VWA8: variants seen among roughly 807,000 people sequenced by gnomAD.
VWA8 encodes the protein von Willebrand factor A domain containing 8.
VWA8 carries 221 observed loss-of-function variants against 241.5 expected under a neutral mutation model. The observed-to-expected ratio is 0.91, with a 90% CI of 0.82 to 1.02. VWA8 has a LOEUF of 1.02. Among genes scored for constraint, VWA8 ranks in the 50% least tolerant of loss-of-function variants. The probability of loss-of-function intolerance (pLI) is 0.00; values close to 1 mark genes in which losing one functional copy is unlikely to be tolerated. For synonymous variants in VWA8, 852 were observed against 827.1 expected, an observed-to-expected ratio of 1.03 and a Z score of -0.52; for missense variants, 2,322 against 2,328.7, an observed-to-expected ratio of 1.00 and a Z score of 0.06.
At chr13:41,656,469 T>G (rs1269259525) in intron 37 of VWA8, among the ~76,000 whole-genome samples, 1 of 152,228 alleles carries the variant, frequency 6.6e-6, no homozygotes, top group African/African-American at 2.4e-5. Flanking sequence ...CCCACTGTTA[T>G]GCTACCAGAA....
chr13:41,592,433 A>C (rs1002321763), intron 40 of VWA8, among the ~76,000 whole-genome samples: 1 of 150,992 alleles, frequency 6.6e-6, no homozygotes, highest in East Asian at 1.9e-4. Flanking sequence ...TAACCTGCAC[A>C]ATGTGCACAT....
rs752430164 is a variant in VWA8, at chr13:41,690,156, T to G, written c.3976+10A>C. 66 of 1,607,782 alleles carry G rather than the reference T, an allele frequency of 4.1e-5. 1 individual carries two copies. The highest frequency in any genetic ancestry group is 1.0e-5 in the Non-Finnish European group (12 of 1,175,578). On this transcript the variant is annotated intron_variant, in intron 33 of 44. Coordinates refer to ENST00000379310, the MANE Select transcript of VWA8 (RefSeq NM_015058.2). ...CACACAGCCATAAACACAGATGACA[T>G]AGTATTTACCTTGTGTAACTCCAAA...
chr13:41,898,239 T>C (rs946058513), intron 4 of VWA8, among the ~76,000 whole-genome samples: 15 of 151,920 alleles, frequency 9.9e-5, no homozygotes, highest in East Asian at 3.9e-4. Context: ...AGAGTGTCGA[T>C]TGGTGCACTC....
At chr13:41,759,699 T>A (rs911652459) in intron 21 of VWA8, among the ~76,000 whole-genome samples, 12 of 151,778 alleles carry the variant, frequency 7.9e-5, no homozygotes, top group Admixed American at 2.6e-4. Context: ...TCCATTATCC[T>A]GTCATTTTTA....
chr13:41,897,819 T>C (rs1875191661), intron 4 of VWA8, among the ~76,000 whole-genome samples: 1 of 152,056 alleles, frequency 6.6e-6, no homozygotes, highest in Admixed American at 6.5e-5. Flanking sequence ...AAAACAAAGC[T>C]TCCACACTGT....
intron 37 of VWA8, among the ~76,000 whole-genome samples, chr13:41,666,603 T>C (rs1351186375): frequency 3.3e-5 from 5 of 152,068 alleles, no homozygotes; most frequent in Admixed American, 6.6e-5. Context: ...GTGGGGGTGT[T>C]TGCAAAATGG....
chr13:41,934,996 T>C (rs926013523), intron 2 of VWA8, among the ~76,000 whole-genome samples: 1 of 152,120 alleles, frequency 6.6e-6, no homozygotes, highest in Non-Finnish European at 1.5e-5. Flanking sequence ...TTTTATCTTT[T>C]GTGTTTTTCA....
intron 44 of VWA8, among the ~76,000 whole-genome samples, chr13:41,568,734 A>G (rs2044278753): frequency 6.6e-6 from 1 of 152,134 alleles, no homozygotes; most frequent in Non-Finnish European, 1.5e-5. Flanking sequence ...AGGCCTCTAA[A>G]AACGCTGCGC....
At chr13:41,658,136 C>T (rs925073126) in intron 37 of VWA8, among the ~76,000 whole-genome samples, 13 of 152,018 alleles carry the variant, frequency 8.6e-5, no homozygotes, top group African/African-American at 3.1e-4. Context: ...ATGGTATTTT[C>T]ATGAAAAAAG....
At chr13:41,935,836 A>G (rs551290281) in intron 2 of VWA8, among the ~76,000 whole-genome samples, 47 of 151,926 alleles carry the variant, frequency 3.1e-4, no homozygotes, top group Admixed American at 3.0e-3. Flanking sequence ...TTGCTTAACT[A>G]TAACACTCTC....
At chr13:41,860,094 T>G (rs1030200048) in intron 12 of VWA8, among the ~76,000 whole-genome samples, 13 of 152,188 alleles carry the variant, frequency 8.5e-5, no homozygotes, top group African/African-American at 3.1e-4. Flanking sequence ...AAAAAGCAAC[T>G]GATTATTTAC....
intron 16 of VWA8, among the ~76,000 whole-genome samples, chr13:41,815,543 G>GT (rs1176715103): frequency 1.3e-5 from 2 of 152,152 alleles, no homozygotes; most frequent in African/African-American, 4.8e-5. Flanking sequence ...GATTGATATG[G>GT]TGAGTCCACT....
intron 9 of VWA8, among the ~76,000 whole-genome samples, chr13:41,869,676 T>C (rs1873496382): frequency 6.8e-6 from 1 of 146,050 alleles, no homozygotes; most frequent in Non-Finnish European, 1.5e-5. Context: ...GAACCATTGA[T>C]TCTTGATGTG....
intron 37 of VWA8, among the ~76,000 whole-genome samples, chr13:41,626,532 T>C (rs557615454): frequency 1.9e-4 from 29 of 152,244 alleles, no homozygotes; most frequent in Middle Eastern, 3.4e-3. Context: ...TACAAGGTTA[T>C]AGTAACCAAA....
At chr13:41,752,604 C>A (rs2137894574) in intron 21 of VWA8, among the ~76,000 whole-genome samples, 1 of 152,226 alleles carries the variant, frequency 6.6e-6, no homozygotes, top group Non-Finnish European at 1.5e-5. Flanking sequence ...GTTGGAGAGG[C>A]ATGACTGGGC....
At chr13:41,580,351 C>T (rs2044374812) in intron 42 of VWA8, among the ~76,000 whole-genome samples, 1 of 152,200 alleles carries the variant, frequency 6.6e-6, no homozygotes, top group African/African-American at 2.4e-5. Flanking sequence ...AGAATTTATT[C>T]ACAGCCTAAA....
chr13:41,739,827 G>GTTTT (rs779464048), intron 21 of VWA8, among the ~76,000 whole-genome samples: 1 of 88,980 alleles, frequency 1.1e-5, no homozygotes, highest in Non-Finnish European at 2.6e-5. Flanking sequence ...TTGTTTTTTT[G>GTTTT]TTTTTTTTTT....
chr13:41,776,591 T>G (rs1868605194), intron 20 of VWA8, among the ~76,000 whole-genome samples: 1 of 152,352 alleles, frequency 6.6e-6, no homozygotes, highest in East Asian at 1.9e-4. Context: ...AGAATATTAC[T>G]TTTAAACTAT....
intron 19 of VWA8, among the ~76,000 whole-genome samples, chr13:41,782,908 T>C (rs963674246): frequency 6.6e-5 from 10 of 151,562 alleles, no homozygotes; most frequent in South Asian, 2.1e-4. Flanking sequence ...TATGTCTTAG[T>C]GGAAGGTCCA....
Sources: gnomAD v4.1 joint callset for allele counts (sites outside exome capture counted in the v4.1 genomes callset) on GRCh38, gnomAD v4.1.1 for gene constraint, MANE v1.5 for transcripts, NCBI Gene and HGNC (gene_info 2026-07-23, HGNC 2026-07-21) for gene names.